The following LIMD1 variants were observed in gnomAD, a reference collection of about 807,000 sequenced individuals.
LIMD1 encodes the protein LIM domain containing 1.
LIMD1 carries 23 observed loss-of-function variants against 58.4 expected under a neutral mutation model. The ratio of observed to expected loss-of-function variants is 0.39; its 90% CI spans 0.28 to 0.56. LIMD1 has a LOEUF of 0.56. LIMD1 is among the 20% of genes least tolerant of loss of function. The probability of loss-of-function intolerance (pLI) is 0.57; values close to 1 mark genes in which losing one functional copy is unlikely to be tolerated. For missense variants in LIMD1, 838 were observed against 855.5 expected (o/e 0.98, Z 0.25); for synonymous variants, 334 against 345.5 (o/e 0.97, Z 0.37).
intron 2 of LIMD1, among the ~76,000 whole-genome samples, chr3:45,655,258 G>T (rs1702017605): frequency 6.6e-6 from 1 of 152,084 alleles, no homozygotes; most frequent in South Asian, 2.1e-4. Context: ...TGTAAATAAA[G>T]AAAATAAAGA....
chr3:45,642,495 A>G (rs1701853759), intron 2 of LIMD1, among the ~76,000 whole-genome samples: 2 of 152,314 alleles, frequency 1.3e-5, no homozygotes, highest in South Asian at 4.1e-4. Flanking sequence ...GACAATTTTA[A>G]AGACAGAAAC....
chr3:45,665,538 C>A lies in LIMD1; in HGVS notation c.1511-112C>A, dbSNP rs750384383. On this transcript the variant is annotated intron_variant, in intron 2 of 7. Coordinates refer to ENST00000273317, the MANE Select transcript of LIMD1 (RefSeq NM_014240.3). ...ACTGGAAAGTGTCATTGACAGTTGG[C>A]GGTTTTTACGTGTTTATTTCTGCCT... The A allele has an allele frequency of 5.2e-6, 4 of 775,512 alleles. No individual in the cohort carries two copies. The East Asian group carries it at 1.0e-4, about 20-fold the overall frequency. 48.0% of individuals were successfully genotyped at this position (775,512 alleles called of 1,614,324 possible).
intron 1 of LIMD1, among the ~76,000 whole-genome samples, chr3:45,622,018 A>G (rs577351842): frequency 6.6e-6 from 1 of 150,930 alleles, no homozygotes; most frequent in African/African-American, 2.4e-5. Context: ...AGCCGAGATC[A>G]CACCACTGTA....
intron 5 of LIMD1, 54 bp downstream of exon 5, chr3:45,672,874 A>G (rs989950975): frequency 6.2e-7 from 1 of 1,601,416 alleles, no homozygotes; most frequent in African/African-American, 1.3e-5. Flanking sequence ...AGCTGATCTC[A>G]GCAGAGTGAG....
Position 45,595,768 on chromosome 3 carries a change from G to A in LIMD1, c.889G>A (p.Val297Met). Residue 297 changes from valine to methionine, a missense_variant, in exon 1 of 8, where the codon GTG (valine) becomes ATG (methionine). Coordinates refer to ENST00000273317, the MANE Select transcript of LIMD1 (RefSeq NM_014240.3). ...GCCTGTTCAGCCCAGGACCCCTTCT[G>A]TGTCAGCACCCTTGGCCCTGAGCTG... ...VGPVQPRTPS[V>M]SAPLALSCPR... 6.2e-7 allele frequency: 1 copy of A among 1,614,122 alleles called. No homozygotes were observed. The highest frequency in any genetic ancestry group is 8.5e-7 in the Non-Finnish European group (1 of 1,180,026).
chr3:45,673,494 C>G lies in LIMD1; in HGVS notation c.1813C>G (p.Leu605Val), dbSNP rs532563076. 1.3e-4 allele frequency: 203 copies of G among 1,613,602 alleles called. 4 individuals carry two copies. In the South Asian group the frequency reaches 2.0e-3, roughly 16 times the overall value. Residue 605 changes from leucine to valine, a missense_variant, in exon 6 of 8, where the codon CTT (leucine) becomes GTT (valine). Leu to Val is a conservative substitution (Grantham distance 32). Coordinates refer to ENST00000273317, the MANE Select transcript of LIMD1 (RefSeq NM_014240.3). ...PKCAACGLPILPPEGSDETIR... is the reference protein window; with the variant it reads ...PKCAACGLPIVPPEGSDETIR... ...GTGTGCAGCCTGTGGGCTTCCCATC[C>G]TTCCACCTGAGGTAAGATGCCCTTC...
At chr3:45,668,134 A>G (rs777997385) in intron 3 of LIMD1, among the ~76,000 whole-genome samples, 160 bp from the exon 4 acceptor site, 1 of 152,330 alleles carries the variant, frequency 6.6e-6, no homozygotes, top group Middle Eastern at 3.4e-3. Flanking sequence ...AGAATATTCT[A>G]TGACTCAGCC....
intron 2 of LIMD1, among the ~76,000 whole-genome samples, chr3:45,656,444 GT>G (rs1702027840): frequency 7.4e-6 from 1 of 134,542 alleles, no homozygotes; most frequent in African/African-American, 2.8e-5. Context: ...TTTAGCTTTT[GT>G]TTCTCCATCA....
chr3:45,611,055 A>G (rs1701518226), intron 1 of LIMD1, among the ~76,000 whole-genome samples: 1 of 152,204 alleles, frequency 6.6e-6, no homozygotes, highest in African/African-American at 2.4e-5. Flanking sequence ...GCTGTGCCTT[A>G]CAAAGCACTT....
In LIMD1 at chr3:45,679,840, C is replaced by T. The variant is rs1697717021; in HGVS notation, c.*2781C>T. ...CTCTCTCTCACTGATGTTATTCCCC[C>T]ATCTGCCGTCTTGGTTCATCTCACC... is the stretch of plus-strand genomic sequence containing the variant. On this transcript the variant is annotated 3_prime_UTR_variant, in exon 8 of 8. Coordinates refer to ENST00000273317, the MANE Select transcript of LIMD1 (RefSeq NM_014240.3). 6.6e-6 allele frequency: 1 copy of T among 152,212 alleles called. No individual in the cohort carries two copies. Among genetic ancestry groups the T allele is most frequent in the Non-Finnish European group, 1.5e-5 (1 of 68,060 alleles). 9.4% of individuals were successfully genotyped at this position (152,212 alleles called of 1,614,324 possible).
At chr3:45,625,045 A>G (rs1238601914) in intron 1 of LIMD1, among the ~76,000 whole-genome samples, 2 of 151,928 alleles carry the variant, frequency 1.3e-5, no homozygotes, top group African/African-American at 2.4e-5. Context: ...GCAGGGTTGT[A>G]TCTGCAGTTG....
At chr3:45,656,888 T>G (rs1345400003) in intron 2 of LIMD1, among the ~76,000 whole-genome samples, 1 of 152,200 alleles carries the variant, frequency 6.6e-6, no homozygotes, top group Non-Finnish European at 1.5e-5. Flanking sequence ...CAAGCAGGCC[T>G]CCAGGGCTGG....
At chr3:45,610,065 G>A (rs111419717) in intron 1 of LIMD1, among the ~76,000 whole-genome samples, 1 of 152,132 alleles carries the variant, frequency 6.6e-6, no homozygotes, top group Non-Finnish European at 1.5e-5. Context: ...GATGGCGCGC[G>A]CCTGTAATCC....
Position 45,654,415 on chromosome 3 carries a change from G to C in LIMD1, c.1511-11235G>C, listed in dbSNP as rs185283329. ...ATTATTGCACGTTTTAGTTTTGTCA[G>C]ATTAAATGGCTGACCTCTCTTTGTG... On this transcript the variant is annotated intron_variant, in intron 2 of 7. Coordinates refer to ENST00000273317, the MANE Select transcript of LIMD1 (RefSeq NM_014240.3). Among the ~76,000 whole-genome samples the C allele has an allele frequency of 1.1e-3, 171 of 152,308 alleles. 1 individual carries two copies. Among genetic ancestry groups the C allele is most frequent in the Non-Finnish European group, 1.9e-3 (129 of 68,022 alleles).
chr3:45,612,070 G>T (rs781527696), intron 1 of LIMD1, among the ~76,000 whole-genome samples: 5,173 of 145,070 alleles, frequency 0.036, 276 homozygotes, highest in Non-Finnish European at 0.041. Flanking sequence ...GCAGGTGCGC[G>T]CTCTCTCTCT....
At position 45,680,693 on chromosome 3, in the gene LIMD1, A is replaced by G. The variant is rs1697730947; in HGVS notation, c.*3634A>G. On this transcript the variant is annotated 3_prime_UTR_variant, in exon 8 of 8. Transcript: ENST00000273317. Reference sequence around the variant, plus strand: ...CTATGTGAAGTAACTTTTAAAGGTAATAGAAAAGGCCAGGCACAGTGGCTC... The same window carrying G: ...CTATGTGAAGTAACTTTTAAAGGTAGTAGAAAAGGCCAGGCACAGTGGCTC... 1.3e-5 allele frequency: 2 copies of G among 152,290 alleles called. No individual in the cohort carries two copies. Among genetic ancestry groups the G allele is most frequent in the South Asian group, 4.1e-4 (2 of 4,822 alleles). The allele number at this position is 152,290 out of a possible 1,614,324, so 9.4% of individuals were successfully genotyped here.
intron 2 of LIMD1, among the ~76,000 whole-genome samples, chr3:45,660,927 A>G (rs1011832352): frequency 9.9e-5 from 15 of 152,174 alleles, no homozygotes; most frequent in African/African-American, 3.4e-4. Flanking sequence ...ATGGCTGTCA[A>G]GGGGGTTCTG....
chr3:45,629,855 C>T (rs747405223), intron 1 of LIMD1, among the ~76,000 whole-genome samples: 8 of 152,160 alleles, frequency 5.3e-5, no homozygotes, highest in Non-Finnish European at 1.0e-4. Context: ...ACTGAAGAAG[C>T]GAGCCACACT....
At chr3:45,628,227 C>T (rs1701685733) in intron 1 of LIMD1, among the ~76,000 whole-genome samples, 1 of 151,882 alleles carries the variant, frequency 6.6e-6, no homozygotes, top group Non-Finnish European at 1.5e-5. Context: ...TCTATGGGGA[C>T]CAAGGCAGCT....
Sources: allele counts gnomAD v4.1 joint callset (sites outside exome capture counted in the v4.1 genomes callset), GRCh38; gene constraint gnomAD v4.1.1; transcripts MANE v1.5; gene names NCBI Gene and HGNC (gene_info 2026-07-23, HGNC 2026-07-21).